TBL1XR1: variants seen among roughly 807,000 people sequenced by gnomAD.
The protein encoded by TBL1XR1 is F-box-like/WD repeat-containing protein TBL1XR1.
A neutral mutation model predicts 66.9 loss-of-function variants in TBL1XR1; 5 were observed. The observed-to-expected ratio is 0.07, with a 90% CI of 0.04 to 0.16. The LOEUF (loss-of-function observed/expected upper bound fraction) is 0.16, where lower values mean the gene tolerates loss of function less well. Among genes scored for constraint, TBL1XR1 ranks in the 10% least tolerant of loss-of-function variants. The pLI is 1.00. For missense variants in TBL1XR1, 238 were observed against 623.2 expected (o/e 0.38, Z 6.58); for synonymous variants, 210 against 206.0 (o/e 1.02, Z -0.17).
At chr3:177,135,576 G>A (rs189835296) in intron 1 of TBL1XR1, among the ~76,000 whole-genome samples, 4 of 148,252 alleles carry the variant, frequency 2.7e-5, no homozygotes, top group Admixed American at 1.4e-4. Flanking sequence ...TAGAGACGGC[G>A]TTTCACCATG....
intron 1 of TBL1XR1, among the ~76,000 whole-genome samples, chr3:177,133,111 C>T (rs1728494510): frequency 6.6e-6 from 1 of 152,224 alleles, no homozygotes; most frequent in African/African-American, 2.4e-5. Context: ...CATGGCCAAA[C>T]CCCATCTCTA....
chr3:177,192,035 G>A (rs1216778596), intron 1 of TBL1XR1, among the ~76,000 whole-genome samples: 1 of 150,168 alleles, frequency 6.7e-6, no homozygotes, highest in African/African-American at 2.5e-5. Flanking sequence ...AGAGGTTGCA[G>A]TGAGCCGAGA....
chr3:177,139,676 AAAAAG>A (rs975624051), intron 1 of TBL1XR1, among the ~76,000 whole-genome samples: 7 of 151,698 alleles, frequency 4.6e-5, no homozygotes, highest in African/African-American at 1.7e-4. Context: ...AGTTAAAAAA[AAAAAG>A]AAAAAGAAAA....
chr3:177,190,376 C>T (rs781561876), intron 1 of TBL1XR1, among the ~76,000 whole-genome samples: 7 of 152,014 alleles, frequency 4.6e-5, no homozygotes, highest in Non-Finnish European at 7.4e-5. Flanking sequence ...AGTGCAGTGG[C>T]GCAATCTCAG....
At chr3:177,034,411 T>C (rs1433096315) in intron 12 of TBL1XR1, 86 bp from the exon 13 acceptor site, 6 of 1,017,658 alleles carry the variant, frequency 5.9e-6, no homozygotes, top group Non-Finnish European at 5.4e-6. Context: ...AAATATTATA[T>C]GGACAGTCTA....
chr3:177,137,258 C>T (rs1398052999), intron 1 of TBL1XR1, among the ~76,000 whole-genome samples: 2 of 151,954 alleles, frequency 1.3e-5, no homozygotes, highest in Non-Finnish European at 2.9e-5. Flanking sequence ...TTTGGGAGGC[C>T]AAGACGGGGG....
At chr3:177,155,446 T>C (rs1731374554) in intron 1 of TBL1XR1, among the ~76,000 whole-genome samples, 1 of 152,162 alleles carries the variant, frequency 6.6e-6, no homozygotes, top group Admixed American at 6.5e-5. Context: ...TTACCAAAAA[T>C]GACTCAAGAT....
intron 3 of TBL1XR1, among the ~76,000 whole-genome samples, chr3:177,063,030 A>G (rs1347264438): frequency 6.6e-6 from 1 of 152,076 alleles, no homozygotes; most frequent in Non-Finnish European, 1.5e-5. Flanking sequence ...GCTACTTGGG[A>G]GGCTGAGGCA....
chr3:177,067,711 T>A (rs1039628179), intron 2 of TBL1XR1, among the ~76,000 whole-genome samples: 2 of 152,038 alleles, frequency 1.3e-5, no homozygotes, highest in African/African-American at 4.8e-5. Flanking sequence ...GTTTTTTTTT[T>A]AAAGGAAAAA....
intron 1 of TBL1XR1, among the ~76,000 whole-genome samples, chr3:177,183,057 C>G (rs968587838): frequency 2.0e-5 from 3 of 152,106 alleles, no homozygotes; most frequent in Admixed American, 6.6e-5. Flanking sequence ...AAAATTGAGG[C>G]ACCATAACTT....
intron 10 of TBL1XR1, among the ~76,000 whole-genome samples, chr3:177,040,636 ATTT>A (rs913067090): frequency 2.0e-5 from 3 of 148,654 alleles, no homozygotes; most frequent in Non-Finnish European, 3.0e-5. Context: ...CTATACTGAG[ATTT>A]TTTTTTTTTA....
At chr3:177,192,875 G>A (rs1195661610) in intron 1 of TBL1XR1, among the ~76,000 whole-genome samples, 1 of 152,122 alleles carries the variant, frequency 6.6e-6, no homozygotes, top group East Asian at 1.9e-4. Context: ...TTAGGGCCAG[G>A]CGCAATGTGG....
chr3:177,124,482 CTCTATGATTCAAATATG>C (rs1357925696), intron 1 of TBL1XR1, among the ~76,000 whole-genome samples: 2 of 152,198 alleles, frequency 1.3e-5, no homozygotes, highest in East Asian at 3.9e-4. Flanking sequence ...AATCATTCTT[CTCTATGATTCAAATATG>C]TCTAACTATT....
chr3:177,047,286 T>A lies in TBL1XR1; in HGVS notation c.864+14A>T. On this transcript the variant is annotated intron_variant, in intron 9 of 15. Transcript: ENST00000457928. ...GTAATACATTTGCCTTTACAGAACT[T>A]AATGAGCTTTTACCTTGTCTACTCC... 6.5e-7 allele frequency: 1 copy of A among 1,543,862 alleles called. No individual in the cohort carries two copies. The highest frequency in any genetic ancestry group is 8.7e-7 in the Non-Finnish European group (1 of 1,144,122).
intron 1 of TBL1XR1, among the ~76,000 whole-genome samples, chr3:177,112,107 A>ATATATATATTTTT: frequency 2.4e-4 from 9 of 37,646 alleles, no homozygotes; most frequent in African/African-American, 6.4e-4. Context: ...ATATATATAT[A>ATATATATATTTTT]TTTTTTTTTT....
intron 2 of TBL1XR1, among the ~76,000 whole-genome samples, chr3:177,094,800 T>C (rs1479142774): frequency 2.0e-5 from 3 of 151,240 alleles, no homozygotes; most frequent in Non-Finnish European, 4.4e-5. Context: ...GAATATACAA[T>C]GGACCTTGTG....
At position 177,192,398 on chromosome 3, in the gene TBL1XR1, C is replaced by CAA. The variant is rs759331999; in HGVS notation, c.-122+4721_-122+4722dup. Among the ~76,000 whole-genome samples, 802 of 83,480 alleles carry CAA rather than the reference C, an allele frequency of 9.6e-3. 10 individuals are homozygous for CAA. Among genetic ancestry groups the CAA allele is most frequent in the African/African-American group, 0.029 (768 of 26,176 alleles). 54.8% of individuals were successfully genotyped at this position (83,480 alleles called of 152,430 possible). A position where few individuals can be genotyped will look rare whatever the true frequency, so the allele number is the denominator to read the frequency against. ...CAACAAACAAAGTGAGACTTTATCTCAAAAAAAAAAAAAAAAGAAAGAAAG... is the reference window on the plus strand; with the variant it reads ...CAACAAACAAAGTGAGACTTTATCTCAAAAAAAAAAAAAAAAAAGAAAGAAAG... On this transcript the variant is annotated intron_variant, in intron 1 of 15. Coordinates refer to ENST00000457928, the MANE Select transcript of TBL1XR1 (RefSeq NM_024665.7).
intron 1 of TBL1XR1, among the ~76,000 whole-genome samples, chr3:177,143,345 C>T (rs192223317): frequency 6.6e-6 from 1 of 151,322 alleles, no homozygotes; most frequent in Admixed American, 6.6e-5. Flanking sequence ...AAGAACATAA[C>T]TACAGTGAAT....
chr3:177,189,383 G>C (rs1329752101), intron 1 of TBL1XR1, among the ~76,000 whole-genome samples: 1 of 152,022 alleles, frequency 6.6e-6, no homozygotes, highest in Non-Finnish European at 1.5e-5. Context: ...TGGGCGTGGT[G>C]GTACACGCCT....
Sources: allele counts gnomAD v4.1 joint callset (sites outside exome capture counted in the v4.1 genomes callset), GRCh38; gene constraint gnomAD v4.1.1; transcripts MANE v1.5; gene names NCBI Gene and HGNC (gene_info 2026-07-23, HGNC 2026-07-21).